The following ITGB8 variants were observed in gnomAD, a reference collection of about 807,000 sequenced individuals.
The protein encoded by ITGB8 is integrin beta-8.
ITGB8 carries 30 observed loss-of-function variants against 89.5 expected under a neutral mutation model. The ratio of observed to expected loss-of-function variants is 0.34; its 90% CI spans 0.25 to 0.45. The LOEUF is 0.45. Among genes scored for constraint, ITGB8 ranks in the 20% least tolerant of loss-of-function variants. The pLI is 1.00. For missense variants in ITGB8, 836 were observed against 933.3 expected, an observed-to-expected ratio of 0.90 and a Z score of 1.36; for synonymous variants, 335 against 320.4, an observed-to-expected ratio of 1.05 and a Z score of -0.49.
intron 6 of ITGB8, among the ~76,000 whole-genome samples, chr7:20,387,522 G>C (rs539185769): frequency 6.6e-6 from 1 of 152,316 alleles, no homozygotes; most frequent in East Asian, 1.9e-4. Flanking sequence ...TTGAAGCCCA[G>C]ATGATCTGTT....
intron 6 of ITGB8, among the ~76,000 whole-genome samples, chr7:20,388,702 A>G (rs1786730492): frequency 6.6e-6 from 1 of 151,912 alleles, no homozygotes; most frequent in Admixed American, 6.6e-5. Flanking sequence ...TTTGTTACCT[A>G]TGTATACACG....
At chr7:20,404,591 T>A in intron 10 of ITGB8, 37 bp from the exon 11 acceptor site, 1 of 1,561,908 alleles carries the variant, frequency 6.4e-7, no homozygotes. Flanking sequence ...AAGTCAGTGA[T>A]CCAGATAACA....
chr7:20,356,945 T>A (rs956308465), intron 1 of ITGB8, among the ~76,000 whole-genome samples: 2 of 152,042 alleles, frequency 1.3e-5, no homozygotes, highest in Non-Finnish European at 1.5e-5. Flanking sequence ...ATTTTCAAAA[T>A]AATATGAATG....
chr7:20,413,942 A>G lies in ITGB8; in HGVS notation c.*3945A>G, dbSNP rs1382948496. 6.6e-6 allele frequency: 1 copy of G among 152,110 alleles called. No homozygotes were observed. The highest frequency in any genetic ancestry group is 1.9e-4 in the East Asian group (1 of 5,202). The allele number at this position is 152,110 out of a possible 1,614,324, so 9.4% of individuals were successfully genotyped here. On this transcript the variant is annotated 3_prime_UTR_variant, in exon 14 of 14. Transcript: ENST00000222573. ...TGCAGACCACTGAGATATAGCTAAC[A>G]TTCTTTCAAATAATTTTCCTTTTCT...
chr7:20,331,654 A>G lies in ITGB8; in HGVS notation c.-153A>G. The stretch of plus-strand genomic sequence containing the variant: ...GCGGTGCCCGGGCCCGCTTACCTGC[A>G]CCGCTTGCTCCGAGCCGCGGGGTCC... On this transcript the variant is annotated 5_prime_UTR_variant, in exon 1 of 14. Coordinates refer to ENST00000222573, the MANE Select transcript of ITGB8 (RefSeq NM_002214.3). 3.3e-6 allele frequency: 3 copies of G among 911,156 alleles called. No homozygotes were observed. In the East Asian group the frequency reaches 9.1e-5, roughly 28 times the overall value. The allele number at this position is 911,156 out of a possible 1,614,324, so 56.4% of individuals were successfully genotyped here. A position where few individuals can be genotyped will look rare whatever the true frequency, so the allele number is the denominator to read the frequency against.
intron 9 of ITGB8, among the ~76,000 whole-genome samples, chr7:20,400,419 A>C (rs2127981495): frequency 6.6e-6 from 1 of 152,332 alleles, no homozygotes; most frequent in African/African-American, 2.4e-5. Flanking sequence ...TTTAAGCATA[A>C]CACCAACTGT....
At chr7:20,405,399 C>T (rs1382093565) in intron 11 of ITGB8, among the ~76,000 whole-genome samples, 2 of 150,462 alleles carry the variant, frequency 1.3e-5, no homozygotes, top group Non-Finnish European at 3.0e-5. Context: ...CAAGCTCCGC[C>T]TCCCGGGTTC....
chr7:20,377,304 G>C (rs1485355385), intron 3 of ITGB8: 2 of 151,992 alleles, frequency 1.3e-5, no homozygotes, highest in African/African-American at 4.8e-5. Context: ...CCATGTGGCC[G>C]GTTTACAAAA....
At chr7:20,362,455 C>G (rs1223077961) in intron 1 of ITGB8, among the ~76,000 whole-genome samples, 5 of 152,190 alleles carry the variant, frequency 3.3e-5, no homozygotes, top group African/African-American at 1.2e-4. Flanking sequence ...AAGAGAGATA[C>G]TAAATGTGAC....
At chr7:20,372,770 C>T (rs1400682021) in intron 3 of ITGB8, among the ~76,000 whole-genome samples, 4 of 152,126 alleles carry the variant, frequency 2.6e-5, no homozygotes, top group African/African-American at 9.7e-5. Context: ...AATTGTCTAA[C>T]GTGTGTAAGT....
chr7:20,353,183 T>C (rs1785168655), intron 1 of ITGB8: 1 of 152,248 alleles, frequency 6.6e-6, no homozygotes, highest in Admixed American at 6.5e-5. Flanking sequence ...TCCTAACATT[T>C]CTTAACCTGC....
intron 7 of ITGB8, among the ~76,000 whole-genome samples, chr7:20,394,567 T>C (rs1435522584): frequency 1.3e-5 from 2 of 152,198 alleles, no homozygotes; most frequent in Non-Finnish European, 2.9e-5. Flanking sequence ...CTCAAAACTT[T>C]TGTATGTTTA....
At chr7:20,355,082 T>C (rs1326551083) in intron 1 of ITGB8, among the ~76,000 whole-genome samples, 2 of 152,194 alleles carry the variant, frequency 1.3e-5, no homozygotes, top group Non-Finnish European at 2.9e-5. Context: ...CAGTTGTCAC[T>C]TTCTCAAAGG....
At position 20,377,769 on chromosome 7, in the gene ITGB8, A is replaced by C. The variant is rs183527108; in HGVS notation, c.389-1282A>C. Among the ~76,000 whole-genome samples the C allele has an allele frequency of 1.0e-3, 155 of 152,336 alleles. 1 individual carries two copies. Among genetic ancestry groups the C allele is most frequent in the South Asian group, 1.5e-3 (7 of 4,824 alleles). The stretch of plus-strand genomic sequence containing the variant: ...AAGGGGTTGCCTGCACAGAAAAAGC[A>C]AATTAGGAATGAGTAGTCCCTTTCT... On this transcript the variant is annotated intron_variant, in intron 3 of 13. Coordinates refer to ENST00000222573, the MANE Select transcript of ITGB8 (RefSeq NM_002214.3).
Position 20,412,825 on chromosome 7 carries a change from CA to C in ITGB8, c.*2829del, listed in dbSNP as rs1264564424. 1.3e-5 allele frequency: 2 copies of C among 152,550 alleles called. No homozygotes were observed. Among genetic ancestry groups the C allele is most frequent in the Non-Finnish European group, 2.9e-5 (2 of 67,996 alleles). The allele number at this position is 152,550 out of a possible 1,614,324, so 9.4% of individuals were successfully genotyped here. A position where few individuals can be genotyped will look rare whatever the true frequency, so the allele number is the denominator to read the frequency against. On this transcript the variant is annotated 3_prime_UTR_variant, in exon 14 of 14. Coordinates refer to ENST00000222573, the MANE Select transcript of ITGB8 (RefSeq NM_002214.3). Reference sequence around the variant, plus strand: ...TAGAATTAATTAAATGGTAAGGGAACACAGGGTACTCTTAGGTTAAATAATG... The same window carrying C: ...TAGAATTAATTAAATGGTAAGGGAACCAGGGTACTCTTAGGTTAAATAATG...
chr7:20,345,627 G>T (rs1784899396), intron 1 of ITGB8, among the ~76,000 whole-genome samples: 1 of 152,170 alleles, frequency 6.6e-6, no homozygotes, highest in Admixed American at 6.5e-5. Flanking sequence ...AGCAATGTGA[G>T]AAATTTTTAA....
Position 20,331,725 on chromosome 7 carries a change from G to A in ITGB8, c.-82G>A, listed in dbSNP as rs1253535823. On this transcript the variant is annotated 5_prime_UTR_variant, in exon 1 of 14. Transcript: ENST00000222573. ...ACGTCCTAGCGACACTCGGCCCGCG[G>A]GCCCCGAGGTGCGCCCGGGAGGCGC... The A allele has an allele frequency of 2.1e-6, 3 of 1,462,026 alleles. No individual in the cohort carries two copies. The highest frequency in any genetic ancestry group is 1.4e-5 in the South Asian group (1 of 72,102). 90.6% of individuals were successfully genotyped at this position (1,462,026 alleles called of 1,614,324 possible).
rs1480929101 is a variant in ITGB8, at chr7:20,379,170, G to A, written c.508G>A (p.Gly170Arg). The change falls in exon 4 of 14, where the codon GGA becomes AGA. Residue 170 changes from glycine to arginine, a missense_variant. Gly to Arg is a moderately radical substitution (Grantham distance 125). This residue lies in a region of ITGB8 where 38 missense variants were observed against 52.2 expected (regional missense o/e 0.73). Coordinates refer to ENST00000222573, the MANE Select transcript of ITGB8 (RefSeq NM_002214.3). The part of the protein sequence containing the change: ...HNNIEKLNSV[G>R]NDLSRKMAFF... ...TAATATAGAAAAATTAAATTCCGTT[G>A]GAAACGATTTATCTAGAAAAATGGC... is the stretch of plus-strand genomic sequence containing the variant. 2 of 1,611,110 alleles carry A rather than the reference G, an allele frequency of 1.2e-6. No individual in the cohort carries two copies. The highest frequency in any genetic ancestry group is 1.1e-5 in the South Asian group (1 of 90,742).
At chr7:20,336,300 C>T (rs1029165300) in intron 1 of ITGB8, among the ~76,000 whole-genome samples, 5 of 152,166 alleles carry the variant, frequency 3.3e-5, no homozygotes, top group Admixed American at 2.6e-4. Context: ...CCACCACACC[C>T]GGCCCAGTCT....
Sources: allele counts gnomAD v4.1 joint callset (sites outside exome capture counted in the v4.1 genomes callset), GRCh38; gene constraint gnomAD v4.1.1; regional missense constraint gnomAD v4.1.1; transcripts MANE v1.5; gene names NCBI Gene and HGNC (gene_info 2026-07-23, HGNC 2026-07-21).